SLIT2: variants seen among roughly 807,000 people sequenced by gnomAD.
SLIT2 encodes the protein slit homolog 2 protein.
Under a neutral mutation model 185.7 loss-of-function variants are expected in SLIT2, and 41 were observed. The ratio of observed to expected loss-of-function variants is 0.22; its 90% CI spans 0.17 to 0.29. The LOEUF (loss-of-function observed/expected upper bound fraction) is 0.29, where lower values mean the gene tolerates loss of function less well. Among genes scored for constraint, SLIT2 ranks in the 10% least tolerant of loss-of-function variants. The pLI, the probability that SLIT2 is intolerant of heterozygous loss-of-function variation, is 1.00. For missense variants in SLIT2, 1,571 were observed against 1,909.0 expected (o/e 0.82, Z 3.30); for synonymous variants, 693 against 680.2 (o/e 1.02, Z -0.29).
At chr4:20,404,599 G>A (rs887983273) in intron 4 of SLIT2, among the ~76,000 whole-genome samples, 2 of 152,000 alleles carry the variant, frequency 1.3e-5, no homozygotes, top group Admixed American at 6.6e-5. Context: ...GGTGCAAGGT[G>A]TGTGCTCGAA....
At chr4:20,541,644 G>T (rs1455530846) in intron 20 of SLIT2, 25 bp downstream of exon 20, 1 of 1,606,238 alleles carries the variant, frequency 6.2e-7, no homozygotes. Context: ...TCAACTCTTT[G>T]ATTGTCAGGC....
intron 4 of SLIT2, among the ~76,000 whole-genome samples, chr4:20,310,850 C>T (rs1718042097): frequency 6.6e-6 from 1 of 152,064 alleles, no homozygotes; most frequent in African/African-American, 2.4e-5. Context: ...TCCATAAATC[C>T]TTATGGATGA....
At chr4:20,524,737 G>A (rs537320203) in intron 14 of SLIT2, among the ~76,000 whole-genome samples, 31 of 152,190 alleles carry the variant, frequency 2.0e-4, no homozygotes, top group African/African-American at 7.5e-4. Context: ...AAATATTGTG[G>A]GAATATTGCA....
chr4:20,560,521 C>A (rs926107128), intron 26 of SLIT2, among the ~76,000 whole-genome samples: 1 of 151,784 alleles, frequency 6.6e-6, no homozygotes, highest in Non-Finnish European at 1.5e-5. Flanking sequence ...CTGACCTCAT[C>A]TTTTAAATAT....
chr4:20,296,701 C>G (rs1467100767), intron 4 of SLIT2, among the ~76,000 whole-genome samples: 1 of 152,088 alleles, frequency 6.6e-6, no homozygotes, highest in South Asian at 2.1e-4. Context: ...TTTACACTGC[C>G]GCACCACCCT....
intron 4 of SLIT2, among the ~76,000 whole-genome samples, chr4:20,305,436 T>C (rs964597729): frequency 3.3e-5 from 5 of 152,168 alleles, no homozygotes; most frequent in African/African-American, 1.2e-4. Context: ...TTTAAGCTAA[T>C]TTATATAAAA....
intron 4 of SLIT2, among the ~76,000 whole-genome samples, chr4:20,412,097 GT>G (rs1185316312): frequency 6.6e-6 from 1 of 151,912 alleles, no homozygotes; most frequent in Non-Finnish European, 1.5e-5. Flanking sequence ...CTCAGACCCA[GT>G]TTGTGCCATG....
intron 4 of SLIT2, among the ~76,000 whole-genome samples, chr4:20,303,913 A>T (rs897248924): frequency 1.1e-4 from 17 of 152,236 alleles, no homozygotes; most frequent in Non-Finnish European, 2.4e-4. Context: ...TGAACCTTGG[A>T]AGGCTGGTCT....
chr4:20,386,330 A>G (rs1243562272), intron 4 of SLIT2, among the ~76,000 whole-genome samples: 1 of 152,226 alleles, frequency 6.6e-6, no homozygotes, highest in African/African-American at 2.4e-5. Flanking sequence ...TACAATGTTT[A>G]TGGCTTCATC....
rs147972672 is a variant in SLIT2 at position 20,613,300 on chromosome 4, A to C, written c.3847+3133A>C. On this transcript the variant is annotated intron_variant, in intron 34 of 36. Transcript: ENST00000504154. ...GGATAAAGAAAATGTGGTACATATA[A>C]ACCATGAAATACCATGCAGCCACAA... Among the ~76,000 whole-genome samples, 534 of 152,352 alleles carry C rather than the reference A, an allele frequency of 3.5e-3. 7 individuals are homozygous for C. The South Asian group carries it at 0.057, about 16-fold the overall frequency.
chr4:20,403,897 T>TAAAAAA (rs11462563), intron 4 of SLIT2, among the ~76,000 whole-genome samples: 5 of 146,174 alleles, frequency 3.4e-5, no homozygotes, highest in African/African-American at 1.2e-4. Flanking sequence ...TAACTGGACT[T>TAAAAAA]AAAAAAAAAA....
intron 5 of SLIT2, among the ~76,000 whole-genome samples, chr4:20,478,888 C>G (rs558506410): frequency 2.6e-5 from 4 of 152,210 alleles, no homozygotes; most frequent in African/African-American, 7.2e-5. Context: ...CTGTAAAAAT[C>G]AAAAGTGCTC....
chr4:20,307,580 C>T (rs1717704661), intron 4 of SLIT2, among the ~76,000 whole-genome samples: 1 of 152,050 alleles, frequency 6.6e-6, no homozygotes, highest in Non-Finnish European at 1.5e-5. Flanking sequence ...TCTTGTTAGA[C>T]ATTTGATTAA....
chr4:20,372,851 C>G (rs1272787939), intron 4 of SLIT2, among the ~76,000 whole-genome samples: 2 of 151,946 alleles, frequency 1.3e-5, no homozygotes, highest in East Asian at 3.9e-4. Context: ...TTTTACACAC[C>G]ATTTTTTGTT....
At chr4:20,410,243 CTTT>C (rs1160985126) in intron 4 of SLIT2, among the ~76,000 whole-genome samples, 1 of 69,046 alleles carries the variant, frequency 1.4e-5, no homozygotes, top group African/African-American at 5.8e-5. Context: ...TCTTTCTTTT[CTTT>C]TTTTTTTTTT....
intron 11 of SLIT2, 92 bp from the exon 12 acceptor site, chr4:20,519,290 T>A (rs947220291): frequency 2.9e-6 from 2 of 700,374 alleles, no homozygotes; most frequent in African/African-American, 3.6e-5. Flanking sequence ...GATTGCCTAC[T>A]AGCTTCCTGT....
rs1054564816 is a variant in SLIT2, at chr4:20,252,131, G to A, written c.-1685G>A. On this transcript the variant is annotated 5_prime_UTR_variant, in exon 1 of 37. Transcript: ENST00000504154. Reference sequence around the variant, plus strand: ...CTGAGCAGAAAGGGGAGCGCCGGGGGCCCGCAGCCGGCTCCGGAGGCGCGG... The same window carrying A: ...CTGAGCAGAAAGGGGAGCGCCGGGGACCCGCAGCCGGCTCCGGAGGCGCGG... 7.2e-5 allele frequency among the ~76,000 whole-genome samples: 11 copies of A among 152,188 alleles called. No homozygotes were observed. In the East Asian group the frequency reaches 2.0e-3, roughly 27 times the overall value.
At chr4:20,448,384 C>T (rs913473846) in intron 4 of SLIT2, among the ~76,000 whole-genome samples, 6 of 151,948 alleles carry the variant, frequency 3.9e-5, no homozygotes, top group Admixed American at 6.6e-5. Flanking sequence ...GGCAGCAGCG[C>T]GATCTTGGCT....
intron 22 of SLIT2, among the ~76,000 whole-genome samples, chr4:20,546,896 A>G (rs1469713039): frequency 6.6e-5 from 10 of 152,128 alleles, no homozygotes; most frequent in Admixed American, 6.6e-5. Context: ...GATAGTAGAT[A>G]TTAATAGAAA....
Sources: gnomAD v4.1 joint callset for allele counts (sites outside exome capture counted in the v4.1 genomes callset) on GRCh38, gnomAD v4.1.1 for gene constraint, MANE v1.5 for transcripts, NCBI Gene and HGNC (gene_info 2026-07-23, HGNC 2026-07-21) for gene names.